RTF1: variants seen among roughly 807,000 people sequenced by gnomAD.
The protein encoded by RTF1 is RNA polymerase-associated protein RTF1 homolog.
A neutral mutation model predicts 95.7 loss-of-function variants in RTF1; 10 were observed. That is an observed-to-expected ratio of 0.10 (90% CI 0.06 to 0.18). The LOEUF is 0.18. Ranked by LOEUF, RTF1 falls within the 10% of genes least tolerant of loss-of-function variation. The pLI, the probability that RTF1 is intolerant of heterozygous loss-of-function variation, is 1.00. For missense variants in RTF1, 458 were observed against 875.6 expected, an observed-to-expected ratio of 0.52 and a Z score of 6.02; for synonymous variants, 305 against 311.8, an observed-to-expected ratio of 0.98 and a Z score of 0.23.
chr15:41,474,027 A>G (rs1171761746), intron 8 of RTF1, among the ~76,000 whole-genome samples: 1 of 151,732 alleles, frequency 6.6e-6, no homozygotes, highest in African/African-American at 2.4e-5. Flanking sequence ...ACAGAGCAAG[A>G]CTTTGTCTCA....
At chr15:41,444,392 CAA>C (rs1462198227) in intron 2 of RTF1, among the ~76,000 whole-genome samples, 1 of 151,890 alleles carries the variant, frequency 6.6e-6, no homozygotes, top group Non-Finnish European at 1.5e-5. Flanking sequence ...CTCCTGGGCT[CAA>C]GAGATTCTCC....
intron 3 of RTF1, among the ~76,000 whole-genome samples, chr15:41,453,930 C>T (rs949799423): frequency 3.3e-5 from 5 of 152,034 alleles, no homozygotes; most frequent in African/African-American, 1.2e-4. Context: ...AATGTTAGCT[C>T]AAATTGAGTC....
intron 4 of RTF1, among the ~76,000 whole-genome samples, chr15:41,461,939 AGAGG>A (rs377133114): frequency 7.8e-6 from 1 of 128,814 alleles, no homozygotes; most frequent in African/African-American, 3.0e-5. Context: ...TTTTTTTTAG[AGAGG>A]GGGGGTTTGC....
At chr15:41,468,856 A>G (rs758085741) in intron 6 of RTF1, among the ~76,000 whole-genome samples, 14 of 152,164 alleles carry the variant, frequency 9.2e-5, no homozygotes, top group South Asian at 4.1e-4. Flanking sequence ...GCAACTTCCA[A>G]AGATGACTGA....
chr15:41,442,857 G>A (rs576606823), intron 2 of RTF1, among the ~76,000 whole-genome samples: 126 of 152,224 alleles, frequency 8.3e-4, no homozygotes, highest in African/African-American at 3.0e-3. Flanking sequence ...CTATATTCCA[G>A]GCTGGGCCCC....
intron 1 of RTF1, among the ~76,000 whole-genome samples, chr15:41,435,772 T>G (rs1324529534): frequency 6.6e-6 from 1 of 152,236 alleles, no homozygotes; most frequent in Admixed American, 6.5e-5. Context: ...TCTATTATTT[T>G]ACAGTCTGTC....
intron 2 of RTF1, among the ~76,000 whole-genome samples, chr15:41,444,294 C>G (rs1444383670): frequency 6.6e-6 from 1 of 150,742 alleles, no homozygotes; most frequent in Non-Finnish European, 1.5e-5. Flanking sequence ...AAAATACTTG[C>G]TAGATTTTTT....
intron 6 of RTF1, among the ~76,000 whole-genome samples, chr15:41,470,010 C>G (rs2050901877): frequency 6.6e-6 from 1 of 152,120 alleles, no homozygotes; most frequent in Non-Finnish European, 1.5e-5. Context: ...GTGTTGGTGA[C>G]CCTTTCTGCC....
At chr15:41,435,464 C>T (rs1422315414) in intron 1 of RTF1, among the ~76,000 whole-genome samples, 2 of 151,684 alleles carry the variant, frequency 1.3e-5, no homozygotes, top group South Asian at 2.1e-4. Flanking sequence ...TGTAGACCAC[C>T]GTGCCCAGTT....
intron 3 of RTF1, among the ~76,000 whole-genome samples, chr15:41,453,627 T>C (rs925419298): frequency 7.9e-5 from 12 of 151,592 alleles, no homozygotes; most frequent in Admixed American, 7.3e-4. Context: ...CTTAGGAGGC[T>C]GAGGCGAGAG....
At position 41,477,218 on chromosome 15, in the gene RTF1, A is replaced by G. The variant is rs1431583704; in HGVS notation, c.1614A>G (p.Gln538=). The change falls in exon 13 of 18, where the codon CAA becomes CAG. Residue 538 remains glutamine, a synonymous_variant. Transcript: ENST00000389629. ...DQDKAKQIQD[Q]LNELEERAEA... ...ACAAGGCCAAACAAATCCAAGATCA[A>G]CTGAATGAGCTGGAGGAACGGGCAG... 1.2e-6 allele frequency: 2 copies of G among 1,614,142 alleles called. No homozygotes were observed. The highest frequency in any genetic ancestry group is 2.2e-5 in the East Asian group (1 of 44,906).
At chr15:41,467,222 CCT>C (rs2050885072) in intron 6 of RTF1, among the ~76,000 whole-genome samples, 1 of 152,120 alleles carries the variant, frequency 6.6e-6, no homozygotes, top group African/African-American at 2.4e-5. Flanking sequence ...GTCTGTTCTA[CCT>C]CTCTCTTCCT....
intron 2 of RTF1, among the ~76,000 whole-genome samples, chr15:41,445,050 G>T (rs1216596432): frequency 6.6e-6 from 1 of 152,070 alleles, no homozygotes; most frequent in Admixed American, 6.6e-5. Context: ...TCCTGCCTCA[G>T]CCTCCCTAGT....
At chr15:41,444,502 C>G (rs1161341882) in intron 2 of RTF1, among the ~76,000 whole-genome samples, 2 of 151,986 alleles carry the variant, frequency 1.3e-5, no homozygotes, top group Admixed American at 6.6e-5. Flanking sequence ...ACCGTGTTAC[C>G]CAGGCTGGTG....
intron 2 of RTF1, among the ~76,000 whole-genome samples, chr15:41,440,488 C>CCCT (rs2050727868): frequency 7.4e-6 from 1 of 134,560 alleles, no homozygotes; most frequent in Non-Finnish European, 1.6e-5. Context: ...CGCGCCTGGC[C>CCCT]TCTTTTTTTT....
Position 41,475,510 on chromosome 15 carries a change from C to A in RTF1, c.1287-15C>A. Reference sequence around the variant, plus strand: ...CATGCACATTTCTTGGAGATGCTGTCTCTCTTTTATGTAGGCATGGCAATG... The same window carrying A: ...CATGCACATTTCTTGGAGATGCTGTATCTCTTTTATGTAGGCATGGCAATG... On this transcript the variant is annotated splice_polypyrimidine_tract_variant and intron_variant, in intron 9 of 17. Coordinates refer to ENST00000389629, the MANE Select transcript of RTF1 (RefSeq NM_015138.5). The A allele has an allele frequency of 6.2e-7, 1 of 1,609,850 alleles. No individual in the cohort carries two copies. The highest frequency in any genetic ancestry group is 8.5e-7 in the Non-Finnish European group (1 of 1,176,228).
chr15:41,432,290 C>T (rs796563502), intron 1 of RTF1, among the ~76,000 whole-genome samples: 84 of 151,526 alleles, frequency 5.5e-4, no homozygotes, highest in African/African-American at 2.0e-3. Flanking sequence ...TTCCGCCTCC[C>T]GGGTTCACGC....
chr15:41,446,212 T>C (rs2050761036), intron 2 of RTF1, among the ~76,000 whole-genome samples: 1 of 152,144 alleles, frequency 6.6e-6, no homozygotes, highest in South Asian at 2.1e-4. Context: ...ACCTACAATG[T>C]TACAGGGTCT....
intron 1 of RTF1, among the ~76,000 whole-genome samples, chr15:41,418,197 G>C (rs1031170135): frequency 2.0e-5 from 3 of 152,168 alleles, no homozygotes; most frequent in African/African-American, 7.2e-5. Context: ...GATACCAGGC[G>C]ATACAAAGAT....
Sources: allele counts gnomAD v4.1 joint callset (sites outside exome capture counted in the v4.1 genomes callset), GRCh38; gene constraint gnomAD v4.1.1; transcripts MANE v1.5; gene names NCBI Gene and HGNC (gene_info 2026-07-23, HGNC 2026-07-21).